Variants in GSG1L observed in about 807,000 individuals in gnomAD.
The protein encoded by GSG1L is germ cell-specific gene 1-like protein.
GSG1L carries 24 observed loss-of-function variants against 42.1 expected under a neutral mutation model. That is an observed-to-expected ratio of 0.57 (90% CI 0.41 to 0.80). The LOEUF (loss-of-function observed/expected upper bound fraction) is 0.80. Ranked by LOEUF, GSG1L falls within the 30% of genes least tolerant of loss-of-function variation. GSG1L has a pLI of 0.00. For synonymous variants in GSG1L, 215 were observed against 203.5 expected, an observed-to-expected ratio of 1.06 and a Z score of -0.48; for missense variants, 445 against 472.2, an observed-to-expected ratio of 0.94 and a Z score of 0.53.
chr16:28,043,038 C>G (rs1340499094), intron 1 of GSG1L, among the ~76,000 whole-genome samples: 2 of 152,176 alleles, frequency 1.3e-5, no homozygotes, highest in East Asian at 3.8e-4. Context: ...TTAGTGGCAC[C>G]GAGCTCCAGA....
At chr16:28,044,065 T>TC (rs2086138111) in intron 1 of GSG1L, among the ~76,000 whole-genome samples, 1 of 152,068 alleles carries the variant, frequency 6.6e-6, no homozygotes, top group Non-Finnish European at 1.5e-5. Context: ...ACAAAAATGA[T>TC]GATAATACAA....
intron 4 of GSG1L, among the ~76,000 whole-genome samples, chr16:27,840,153 C>T (rs1158056769): frequency 2.0e-5 from 3 of 152,020 alleles, no homozygotes; most frequent in South Asian, 2.1e-4. Context: ...CTTTACCCTC[C>T]TGAGTGGCTG....
At chr16:27,900,176 C>T (rs778217146) in intron 2 of GSG1L, among the ~76,000 whole-genome samples, 1 of 152,212 alleles carries the variant, frequency 6.6e-6, no homozygotes, top group Non-Finnish European at 1.5e-5. Flanking sequence ...TCCAGTCCTC[C>T]AGGAACCCCA....
chr16:27,838,776 G>A (rs1191431894), intron 4 of GSG1L, among the ~76,000 whole-genome samples: 2 of 152,206 alleles, frequency 1.3e-5, no homozygotes, highest in Non-Finnish European at 1.5e-5. Context: ...CCCAAGAGCT[G>A]ATGGGACTAG....
chr16:27,991,406 T>C (rs1345185717), intron 1 of GSG1L, among the ~76,000 whole-genome samples: 2 of 152,080 alleles, frequency 1.3e-5, no homozygotes, highest in East Asian at 1.9e-4. Context: ...TATTTCTTTT[T>C]TTGTTTGTTT....
intron 5 of GSG1L, among the ~76,000 whole-genome samples, chr16:27,809,621 C>T (rs2083008539): frequency 6.6e-6 from 1 of 152,032 alleles, no homozygotes; most frequent in African/African-American, 2.4e-5. Context: ...CTAAAGCACA[C>T]AGTGGGTGCT....
chr16:27,945,919 G>A (rs1388225117), intron 2 of GSG1L, among the ~76,000 whole-genome samples: 1 of 152,254 alleles, frequency 6.6e-6, no homozygotes, highest in Non-Finnish European at 1.5e-5. Flanking sequence ...GATGCCTGAT[G>A]AGCAGAGGGT....
intron 6 of GSG1L, 62 bp from the exon 7 acceptor site, chr16:27,791,529 C>G: frequency 9.4e-7 from 1 of 1,058,988 alleles, no homozygotes; most frequent in South Asian, 2.4e-5. Flanking sequence ...TCCTGTCTAC[C>G]CACCGCCCCC....
At chr16:27,902,273 G>A (rs990779934) in intron 2 of GSG1L, among the ~76,000 whole-genome samples, 1 of 152,202 alleles carries the variant, frequency 6.6e-6, no homozygotes, top group African/African-American at 2.4e-5. Flanking sequence ...GCAGCAGAGA[G>A]GCCGAGGGAA....
At chr16:27,991,074 G>A (rs919900117) in intron 1 of GSG1L, among the ~76,000 whole-genome samples, 1 of 152,172 alleles carries the variant, frequency 6.6e-6, no homozygotes, top group Non-Finnish European at 1.5e-5. Flanking sequence ...AAATAAACTG[G>A]GTCTTACTGT....
intron 2 of GSG1L, among the ~76,000 whole-genome samples, chr16:27,904,496 TG>T (rs1327157975): frequency 6.6e-6 from 1 of 152,156 alleles, no homozygotes; most frequent in Admixed American, 6.5e-5. Context: ...CTAGCATGTA[TG>T]ACCATTCAGC....
intron 3 of GSG1L, among the ~76,000 whole-genome samples, chr16:27,872,246 A>G (rs982368176): frequency 2.6e-5 from 4 of 152,140 alleles, no homozygotes; most frequent in Non-Finnish European, 2.9e-5. Context: ...ATGCGTACTG[A>G]AGTTACCAGC....
chr16:27,792,223 G>A (rs1008624029), intron 6 of GSG1L, among the ~76,000 whole-genome samples: 2 of 152,140 alleles, frequency 1.3e-5, no homozygotes, highest in African/African-American at 4.8e-5. Flanking sequence ...ATATTAGAAG[G>A]GGAACAAGAG....
chr16:27,874,237 A>C (rs1042170677), intron 3 of GSG1L, among the ~76,000 whole-genome samples: 1 of 151,996 alleles, frequency 6.6e-6, no homozygotes, highest in Admixed American at 6.6e-5. Context: ...TGAGATGATG[A>C]CTCAAAATGG....
At chr16:27,835,747 T>A (rs1428165551) in intron 4 of GSG1L, among the ~76,000 whole-genome samples, 1 of 152,154 alleles carries the variant, frequency 6.6e-6, no homozygotes. Flanking sequence ...GGTGTCAACA[T>A]TTGAGTAAAG....
intron 4 of GSG1L, among the ~76,000 whole-genome samples, chr16:27,834,508 T>C (rs977979271): frequency 7.2e-5 from 11 of 152,142 alleles, no homozygotes; most frequent in African/African-American, 2.7e-4. Context: ...CTAATTCTTA[T>C]TTAAATATTT....
intron 4 of GSG1L, among the ~76,000 whole-genome samples, chr16:27,834,622 C>T (rs1369505128): frequency 6.6e-6 from 1 of 152,084 alleles, no homozygotes; most frequent in Admixed American, 6.6e-5. Context: ...ATTCAAATTA[C>T]TTATTTCGCA....
chr16:27,906,875 A>G (rs1753986314), intron 2 of GSG1L, among the ~76,000 whole-genome samples: 1 of 151,942 alleles, frequency 6.6e-6, no homozygotes. Context: ...CGAGACCCCG[A>G]TGGGTATGGA....
At chr16:28,029,661 A>G (rs1040190343) in intron 1 of GSG1L, among the ~76,000 whole-genome samples, 1 of 152,080 alleles carries the variant, frequency 6.6e-6, no homozygotes, top group Non-Finnish European at 1.5e-5. Context: ...GATGGACTGT[A>G]GATGAATGAA....
Sources: allele counts gnomAD v4.1 joint callset (sites outside exome capture counted in the v4.1 genomes callset), GRCh38; gene constraint gnomAD v4.1.1; transcripts MANE v1.5; gene names NCBI Gene and HGNC (gene_info 2026-07-23, HGNC 2026-07-21).